SMYD3: variants seen among roughly 807,000 people sequenced by gnomAD.
SMYD3 encodes the protein histone-lysine N-methyltransferase SMYD3.
SMYD3 carries 36 observed loss-of-function variants against 57.7 expected under a neutral mutation model. That is an observed-to-expected ratio of 0.62 (90% CI 0.48 to 0.82). The LOEUF is 0.82. Among genes scored for constraint, SMYD3 ranks in the 40% least tolerant of loss-of-function variants. The pLI is 0.00. For synonymous variants in SMYD3, 211 were observed against 195.0 expected (o/e 1.08, Z -0.68); for missense variants, 515 against 538.8 (o/e 0.96, Z 0.44).
chr1:246,326,012 G>A (rs974399397), intron 5 of SMYD3: 3 of 173,728 alleles, frequency 1.7e-5, no homozygotes, highest in African/African-American at 7.1e-5. Context: ...TAGATAACCA[G>A]AATATAATGC....
At chr1:246,380,124 T>G (rs943595878) in intron 1 of SMYD3, among the ~76,000 whole-genome samples, 16 of 152,186 alleles carry the variant, frequency 1.1e-4, no homozygotes, top group African/African-American at 3.9e-4. Context: ...TATTCAGAGA[T>G]AATACAGTAC....
intron 5 of SMYD3, among the ~76,000 whole-genome samples, chr1:246,323,550 C>A (rs1038249315): frequency 2.6e-5 from 4 of 152,172 alleles, no homozygotes; most frequent in Non-Finnish European, 5.9e-5. Flanking sequence ...GCCATCAGCT[C>A]ACCAGACGAC....
chr1:245,806,893 G>C, intron 10 of SMYD3, among the ~76,000 whole-genome samples: 1 of 133,702 alleles, frequency 7.5e-6, no homozygotes, highest in Admixed American at 8.6e-5. Context: ...ATCCGGCCTG[G>C]GCGACAGAGC....
chr1:245,800,053 C>G (rs1182276307), intron 10 of SMYD3, among the ~76,000 whole-genome samples: 2 of 152,126 alleles, frequency 1.3e-5, no homozygotes, highest in Admixed American at 6.5e-5. Flanking sequence ...AGGTATGTGC[C>G]CACTTCATCA....
chr1:245,965,569 T>A (rs919181987), intron 5 of SMYD3, among the ~76,000 whole-genome samples: 1 of 152,182 alleles, frequency 6.6e-6, no homozygotes, highest in Non-Finnish European at 1.5e-5. Context: ...AGATTAGTCA[T>A]CAAGCCATCA....
Position 245,842,604 on chromosome 1 carries a change from A to T in SMYD3, c.1076+15892T>A, listed in dbSNP as rs146220497. On this transcript the variant is annotated intron_variant, in intron 10 of 11. Coordinates refer to ENST00000490107, the MANE Select transcript of SMYD3 (RefSeq NM_001167740.2). The stretch of plus-strand genomic sequence containing the variant: ...TGCTAACAGGGGAATTAATGAGAAA[A>T]GAAACTTAACTTATATCCAGATGCC... Among the ~76,000 whole-genome samples the T allele has an allele frequency of 2.0e-5, 3 of 152,348 alleles. No individual in the cohort carries two copies. In the East Asian group the frequency reaches 5.8e-4, roughly 29 times the overall value.
At chr1:246,144,542 G>C (rs2061813005) in intron 5 of SMYD3, among the ~76,000 whole-genome samples, 1 of 152,010 alleles carries the variant, frequency 6.6e-6, no homozygotes, top group Admixed American at 6.6e-5. Flanking sequence ...TATGAGAATG[G>C]GCAAAGTAAT....
chr1:246,096,765 TTTATCATTGTAACAAATGG>T (rs1558224834), intron 5 of SMYD3, among the ~76,000 whole-genome samples: 1 of 147,166 alleles, frequency 6.8e-6, no homozygotes, highest in Non-Finnish European at 1.5e-5. Flanking sequence ...GTAACAAATG[TTTATCATTGTAACAAATGG>T]TTATCATTGT....
rs570450511 is a variant in SMYD3, at chr1:246,288,742, G to C, written c.531+38459C>G. Among the ~76,000 whole-genome samples the C allele has an allele frequency of 5.3e-5, 8 of 152,326 alleles. No homozygotes were observed. The South Asian group carries it at 1.2e-3, about 24-fold the overall frequency. On this transcript the variant is annotated intron_variant, in intron 5 of 11. Transcript: ENST00000490107. ...AGAAGCACCATTAAGGGGTAAGTTT[G>C]TCCAATCATGTACATTCCTTACTTA...
chr1:246,099,868 T>C (rs111397075), intron 5 of SMYD3, among the ~76,000 whole-genome samples: 1 of 152,198 alleles, frequency 6.6e-6, no homozygotes, highest in Non-Finnish European at 1.5e-5. Flanking sequence ...CTGTTAACAG[T>C]ACAATGACTA....
chr1:246,331,648 T>G (rs889249533), intron 3 of SMYD3, among the ~76,000 whole-genome samples: 1 of 152,232 alleles, frequency 6.6e-6, no homozygotes, highest in Non-Finnish European at 1.5e-5. Context: ...CAGCCTTAAA[T>G]AGGAATAACA....
intron 1 of SMYD3, among the ~76,000 whole-genome samples, chr1:246,451,675 A>C (rs1406021327): frequency 6.6e-6 from 1 of 152,270 alleles, no homozygotes; most frequent in Admixed American, 6.5e-5. Flanking sequence ...CGGTTGCAAC[A>C]AACGTGCCAT....
intron 1 of SMYD3, among the ~76,000 whole-genome samples, chr1:246,366,770 A>T (rs984357703): frequency 1.3e-5 from 2 of 151,758 alleles, no homozygotes; most frequent in Admixed American, 1.3e-4. Context: ...GTCTCTACTA[A>T]ATATACAAAA....
intron 1 of SMYD3, among the ~76,000 whole-genome samples, chr1:246,432,680 G>A (rs10924729): frequency 0.035 from 5,293 of 152,220 alleles, 320 homozygotes; most frequent in African/African-American, 0.12. Flanking sequence ...CTGCCTAACT[G>A]ATGGCAGACT....
intron 8 of SMYD3, among the ~76,000 whole-genome samples, chr1:245,865,839 G>C (rs529317589): frequency 6.6e-6 from 1 of 152,222 alleles, no homozygotes; most frequent in Non-Finnish European, 1.5e-5. Context: ...AGAAAGTCCT[G>C]TTGGACAGTG....
At chr1:246,154,683 A>G (rs1185182553) in intron 5 of SMYD3, among the ~76,000 whole-genome samples, 3 of 152,196 alleles carry the variant, frequency 2.0e-5, no homozygotes, top group African/African-American at 7.2e-5. Context: ...TTTATTGTTC[A>G]TTGTTCCCCA....
At position 245,827,585 on chromosome 1, in the gene SMYD3, C is replaced by T. The variant is rs559815314; in HGVS notation, c.1076+30911G>A. On this transcript the variant is annotated intron_variant, in intron 10 of 11. Transcript: ENST00000490107. ...TCTCCTTTGCTCTGCTGGCTGAATT[C>T]GGTTGGACACACACTCTCATAGCAG... 1.3e-4 allele frequency among the ~76,000 whole-genome samples: 20 copies of T among 151,324 alleles called. 1 individual carries two copies. In the South Asian group the frequency reaches 2.3e-3, roughly 18 times the overall value.
chr1:246,389,922 C>T (rs1006773058), intron 1 of SMYD3, among the ~76,000 whole-genome samples: 5 of 152,130 alleles, frequency 3.3e-5, no homozygotes, highest in African/African-American at 1.2e-4. Flanking sequence ...CACTCAGCTG[C>T]CGTGGTGAAA....
intron 9 of SMYD3, among the ~76,000 whole-genome samples, chr1:245,862,568 T>G (rs528904827): frequency 2.0e-5 from 3 of 152,322 alleles, no homozygotes; most frequent in South Asian, 2.1e-4. Context: ...TACGTCACTT[T>G]GGAGATTTGA....
Sources: allele counts gnomAD v4.1 joint callset (sites outside exome capture counted in the v4.1 genomes callset), GRCh38; gene constraint gnomAD v4.1.1; transcripts MANE v1.5; gene names NCBI Gene and HGNC (gene_info 2026-07-23, HGNC 2026-07-21).